IL1RAPL1: variants seen among roughly 807,000 people sequenced by gnomAD.
The protein encoded by IL1RAPL1 is interleukin-1 receptor accessory protein-like 1.
In IL1RAPL1, 3 loss-of-function variants were observed where a neutral mutation model predicts 48.4. The observed-to-expected ratio is 0.06, with a 90% CI of 0.03 to 0.16. The LOEUF (loss-of-function observed/expected upper bound fraction) is 0.16. IL1RAPL1 is among the 10% of genes least tolerant of loss of function. The pLI is 1.00. For synonymous variants in IL1RAPL1, 185 were observed against 187.7 expected (o/e 0.99, Z 0.12); for missense variants, 349 against 530.6 (o/e 0.66, Z 3.36).
intron 5 of IL1RAPL1, among the ~76,000 whole-genome samples, chrX:29,565,941 A>G (rs1158729288): frequency 9.0e-6 from 1 of 110,936 alleles, no homozygotes; most frequent in Non-Finnish European, 1.9e-5. Context: ...ATGTGGGGAA[A>G]TTTTTTGTTG....
chrX:29,514,063 G>T (rs1295026535), intron 5 of IL1RAPL1, among the ~76,000 whole-genome samples: 1 of 111,179 alleles, frequency 9.0e-6, no homozygotes, highest in African/African-American at 3.3e-5. Context: ...GCAGGGTTAC[G>T]TTGGTTCATA....
At chrX:29,418,110 TATATATATA>T (rs1934241950) in intron 5 of IL1RAPL1, among the ~76,000 whole-genome samples, 16 of 43,464 alleles carry the variant, frequency 3.7e-4, no homozygotes, top group Admixed American at 7.6e-4. Flanking sequence ...TATATATATA[TATATATATA>T]TATATATTTT....
intron 6 of IL1RAPL1, among the ~76,000 whole-genome samples, chrX:29,800,599 G>A (rs918019883): frequency 2.7e-5 from 3 of 109,856 alleles, no homozygotes; most frequent in Non-Finnish European, 3.8e-5. Context: ...TAGCAATATA[G>A]TTTTGTTTCA....
intron 5 of IL1RAPL1, among the ~76,000 whole-genome samples, chrX:29,524,544 G>A (rs370288153): frequency 2.7e-5 from 3 of 110,479 alleles, no homozygotes; most frequent in African/African-American, 9.8e-5. Context: ...AATAGCTTTT[G>A]TTTATTACTA....
chrX:28,725,759 A>G, intron 1 of IL1RAPL1, among the ~76,000 whole-genome samples: 2 of 112,565 alleles, frequency 1.8e-5, no homozygotes, highest in Middle Eastern at 9.2e-3. Context: ...TAAATCATGA[A>G]CAAAAGTAAA....
At chrX:28,661,397 T>C (rs1449368491) in intron 1 of IL1RAPL1, among the ~76,000 whole-genome samples, 1 of 86,645 alleles carries the variant, frequency 1.2e-5, no homozygotes, top group Non-Finnish European at 2.4e-5. Flanking sequence ...GCTGGTGATA[T>C]ATTATTTGAT....
chrX:29,813,334 A>G (rs922003147), intron 6 of IL1RAPL1, among the ~76,000 whole-genome samples: 2 of 111,441 alleles, frequency 1.8e-5, no homozygotes, highest in Non-Finnish European at 3.8e-5. Flanking sequence ...TGTTTTAAAT[A>G]AATACCTTAA....
intron 2 of IL1RAPL1, among the ~76,000 whole-genome samples, chrX:29,264,116 T>A (rs935134945): frequency 1.8e-5 from 2 of 111,341 alleles, no homozygotes; most frequent in African/African-American, 3.3e-5. Context: ...TGGATAAAAT[T>A]TCCTTTTGCA....
chrX:28,955,026 G>A lies in IL1RAPL1; in HGVS notation c.82+165601G>A, dbSNP rs183019242. ...TAAAGCATATTAACCTATTCATGATGTGAAAGATATAATTGATCTTTAAAT... is the reference window on the plus strand; with the variant it reads ...TAAAGCATATTAACCTATTCATGATATGAAAGATATAATTGATCTTTAAAT... On this transcript the variant is annotated intron_variant, in intron 2 of 10. Transcript: ENST00000378993. Among the ~76,000 whole-genome samples, 9 of 112,026 alleles carry A rather than the reference G, an allele frequency of 8.0e-5. No homozygotes were observed. The East Asian group carries it at 2.5e-3, about 31-fold the overall frequency.
intron 9 of IL1RAPL1, 78 bp from the exon 10 acceptor site, chrX:29,954,444 A>C: frequency 1.2e-6 from 1 of 866,480 alleles, no homozygotes; most frequent in Non-Finnish European, 1.7e-6. Flanking sequence ...CGTTTATGAA[A>C]AAAAGTGCAT....
chrX:29,317,588 A>C (rs1356560511), intron 3 of IL1RAPL1, among the ~76,000 whole-genome samples: 1 of 112,115 alleles, frequency 8.9e-6, no homozygotes, highest in Admixed American at 9.5e-5. Flanking sequence ...ATTTACCAAA[A>C]TTTATGCTTC....
At chrX:29,538,482 C>T (rs1213774601) in intron 5 of IL1RAPL1, among the ~76,000 whole-genome samples, 149 of 106,946 alleles carry the variant, frequency 1.4e-3, no homozygotes, top group Non-Finnish European at 2.3e-3. Context: ...GGATTACAGG[C>T]GCCTGCTACC....
intron 2 of IL1RAPL1, among the ~76,000 whole-genome samples, chrX:29,075,361 G>A (rs1927648374): frequency 9.0e-6 from 1 of 111,607 alleles, no homozygotes; most frequent in Admixed American, 9.6e-5. Context: ...AATAGAAACA[G>A]CTCACAGCTA....
chrX:29,548,921 G>C (rs967175666), intron 5 of IL1RAPL1, among the ~76,000 whole-genome samples: 1 of 111,171 alleles, frequency 9.0e-6, no homozygotes, highest in African/African-American at 3.3e-5. Flanking sequence ...TTCATCAAGG[G>C]GTTTCCAAAA....
intron 6 of IL1RAPL1, among the ~76,000 whole-genome samples, chrX:29,828,124 C>T (rs1221107281): frequency 9.0e-6 from 1 of 111,647 alleles, no homozygotes; most frequent in Non-Finnish European, 1.9e-5. Flanking sequence ...GGGAGAACAT[C>T]AGGAAGACAT....
At chrX:29,567,413 G>GT (rs986907728) in intron 5 of IL1RAPL1, among the ~76,000 whole-genome samples, 6 of 111,559 alleles carry the variant, frequency 5.4e-5, no homozygotes, top group African/African-American at 2.0e-4. Flanking sequence ...GGAGAGGAAG[G>GT]TTTTTTAAAG....
intron 2 of IL1RAPL1, among the ~76,000 whole-genome samples, chrX:29,129,588 A>T (rs1481006499): frequency 1.2e-4 from 7 of 59,862 alleles, no homozygotes; most frequent in Admixed American, 2.8e-4. Context: ...AATAATGTAA[A>T]TTTTTTTTTT....
At position 29,479,007 on chromosome X, in the gene IL1RAPL1, A is replaced by G. The variant is rs112520556; in HGVS notation, c.703+79699A>G. On this transcript the variant is annotated intron_variant, in intron 5 of 10. Coordinates refer to ENST00000378993, the MANE Select transcript of IL1RAPL1 (RefSeq NM_014271.4). Reference sequence around the variant, plus strand: ...TCTTACCCCTTAAACTCCTTCATTGACTATAATATCTGAAAGCAGAAGTTT... The same window carrying G: ...TCTTACCCCTTAAACTCCTTCATTGGCTATAATATCTGAAAGCAGAAGTTT... 5.7e-3 allele frequency among the ~76,000 whole-genome samples: 628 copies of G among 109,553 alleles called. 6 individuals carry two copies. The highest frequency in any genetic ancestry group is 0.018 in the African/African-American group (522 of 29,735).
chrX:29,521,294 G>C (rs774445065), intron 5 of IL1RAPL1, among the ~76,000 whole-genome samples: 1 of 111,795 alleles, frequency 8.9e-6, no homozygotes, highest in Non-Finnish European at 1.9e-5. Context: ...ATGGACCATA[G>C]ATCTGCCTAA....
Sources: allele counts gnomAD v4.1 joint callset (sites outside exome capture counted in the v4.1 genomes callset), GRCh38; gene constraint gnomAD v4.1.1; transcripts MANE v1.5; gene names NCBI Gene and HGNC (gene_info 2026-07-23, HGNC 2026-07-21).